The following ZNF93 variants were observed in gnomAD, a reference collection of about 807,000 sequenced individuals.
ZNF93 encodes zinc finger protein 93.
A neutral mutation model predicts 45.0 loss-of-function variants in ZNF93; 29 were observed. The observed-to-expected ratio is 0.64, with a 90% CI of 0.48 to 0.88. The LOEUF is 0.88. Ranked by LOEUF, ZNF93 falls within the 40% of genes least tolerant of loss-of-function variation. The pLI, the probability that ZNF93 is intolerant of heterozygous loss-of-function variation, is 0.00. For synonymous variants in ZNF93, 223 were observed against 244.6 expected, an observed-to-expected ratio of 0.91 and a Z score of 0.82; for missense variants, 578 against 724.0, an observed-to-expected ratio of 0.80 and a Z score of 2.31.
chr19:19,916,131 A>G (rs2063322885), intron 2 of ZNF93, among the ~76,000 whole-genome samples: 1 of 146,342 alleles, frequency 6.8e-6, no homozygotes. Context: ...CAGTGGAATG[A>G]TCTTGGCTTA....
At chr19:19,917,435 GT>G (rs1311179002) in intron 3 of ZNF93, among the ~76,000 whole-genome samples, 4 of 150,558 alleles carry the variant, frequency 2.7e-5, no homozygotes, top group South Asian at 2.1e-4. Context: ...TTTCCCAGTA[GT>G]TTTTTTTAAT....
intron 3 of ZNF93, among the ~76,000 whole-genome samples, chr19:19,928,172 TTGA>T (rs1175457393): frequency 6.6e-6 from 1 of 152,240 alleles, no homozygotes; most frequent in Non-Finnish European, 1.5e-5. Flanking sequence ...TTTATCAGTG[TTGA>T]TAATCAGTTC....
At chr19:19,917,937 CTTCT>C (rs1001662164) in intron 3 of ZNF93, among the ~76,000 whole-genome samples, 13 of 103,662 alleles carry the variant, frequency 1.3e-4, no homozygotes, top group South Asian at 5.1e-4. Flanking sequence ...TCCTTCCTTC[CTTCT>C]TTCTTTTTTT....
rs774918277 is a variant in ZNF93, at chr19:19,934,274, T to A, written c.1319T>A (p.Leu440His). Residue 440 changes from leucine (L) to histidine (H), a missense_variant, in exon 4 of 4, where the codon CTT becomes CAT. Leu to His is a moderately conservative substitution (Grantham distance 99, BLOSUM62 -3). Transcript: ENST00000343769. ...AAAGCCTTTGTTGCATCCTCAACCC[T>A]TAGTAAACATGAGATCATTCATACT... ...CGKAFVASST[L>H]SKHEIIHTGK... 1.9e-6 allele frequency: 3 copies of A among 1,612,890 alleles called. No individual in the cohort carries two copies. The highest frequency in any genetic ancestry group is 2.5e-6 in the Non-Finnish European group (3 of 1,179,958).
intron 3 of ZNF93, chr19:19,927,291 G>T (rs1237765074): frequency 5.0e-6 from 2 of 397,954 alleles, no homozygotes; most frequent in Non-Finnish European, 8.9e-6. Context: ...AGCTACTTGG[G>T]AGATTGAAGG....
At chr19:19,906,156 A>G (rs564944626) in intron 1 of ZNF93, among the ~76,000 whole-genome samples, 1 of 150,278 alleles carries the variant, frequency 6.7e-6, no homozygotes, top group South Asian at 2.1e-4. Context: ...AGCGGAGTAT[A>G]AGCATCTCCT....
chr19:19,913,816 A>G (rs547232152), intron 1 of ZNF93, among the ~76,000 whole-genome samples: 11 of 152,190 alleles, frequency 7.2e-5, no homozygotes, highest in African/African-American at 2.2e-4. Flanking sequence ...CCAGGGAAGG[A>G]GGAGAAAGAA....
At chr19:19,915,170 T>G (rs536759271) in intron 1 of ZNF93, 110 bp from the exon 2 acceptor site, 8 of 1,567,720 alleles carry the variant, frequency 5.1e-6, no homozygotes, top group Non-Finnish European at 6.9e-6. Context: ...ATAATTTTAG[T>G]CAGTCCTATA....
At chr19:19,923,721 A>G (rs1455827865) in intron 3 of ZNF93, among the ~76,000 whole-genome samples, 2 of 152,216 alleles carry the variant, frequency 1.3e-5, no homozygotes, top group African/African-American at 4.8e-5. Context: ...TGAGCCAGGC[A>G]TGGGATATAA....
intron 1 of ZNF93, among the ~76,000 whole-genome samples, chr19:19,903,071 A>G (rs969136346): frequency 1.3e-5 from 2 of 152,132 alleles, no homozygotes; most frequent in African/African-American, 4.8e-5. Context: ...TGAAGTTGTT[A>G]TTGTTTTGAG....
chr19:19,930,772 A>G (rs1263672138), intron 3 of ZNF93, among the ~76,000 whole-genome samples: 1 of 152,196 alleles, frequency 6.6e-6, no homozygotes, highest in Non-Finnish European at 1.5e-5. Flanking sequence ...CTACCAACTA[A>G]TGATTAATGA....
chr19:19,905,970 T>C (rs2063291821), intron 1 of ZNF93, among the ~76,000 whole-genome samples: 1 of 152,220 alleles, frequency 6.6e-6, no homozygotes, highest in Non-Finnish European at 1.5e-5. Flanking sequence ...TGAGTAGTGC[T>C]GCAATGAACA....
At chr19:19,904,961 G>C (rs2063288411) in intron 1 of ZNF93, among the ~76,000 whole-genome samples, 1 of 151,288 alleles carries the variant, frequency 6.6e-6, no homozygotes, top group Non-Finnish European at 1.5e-5. Flanking sequence ...TGGCATTTTT[G>C]ATCTGTGTTT....
intron 2 of ZNF93, among the ~76,000 whole-genome samples, chr19:19,916,142 C>T (rs2063322916): frequency 6.7e-6 from 1 of 149,354 alleles, no homozygotes; most frequent in Non-Finnish European, 1.5e-5. Context: ...TCTTGGCTTA[C>T]TGCAACCTCC....
In ZNF93 at chr19:19,934,871, A is replaced by G; in HGVS notation, c.*53A>G. 1 of 1,533,152 alleles carries G rather than the reference A, an allele frequency of 6.5e-7. No individual in the cohort carries two copies. The highest frequency in any genetic ancestry group is 8.8e-7 in the Non-Finnish European group (1 of 1,136,474). The allele number at this position is 1,533,152 out of a possible 1,614,324, so 95.0% of individuals were successfully genotyped here. ...AAGTGGTCCTCACACCTTACTATACACTGAGAGTTCTGAACTTACTCTGTA... is the reference window on the plus strand; with the variant it reads ...AAGTGGTCCTCACACCTTACTATACGCTGAGAGTTCTGAACTTACTCTGTA... On this transcript the variant is annotated 3_prime_UTR_variant, in exon 4 of 4. Coordinates refer to ENST00000343769, the MANE Select transcript of ZNF93 (RefSeq NM_031218.4).
chr19:19,934,902 C>T lies in ZNF93; in HGVS notation c.*84C>T. On this transcript the variant is annotated 3_prime_UTR_variant, in exon 4 of 4. Coordinates refer to ENST00000343769, the MANE Select transcript of ZNF93 (RefSeq NM_031218.4). ...AGTTCTGAACTTACTCTGTAACCAT[C>T]CCAAACTCCTCCCAGGCACAGTCTG... 1 of 1,419,816 alleles carries T rather than the reference C, an allele frequency of 7.0e-7. No individual in the cohort carries two copies. The highest frequency in any genetic ancestry group is 9.5e-7 in the Non-Finnish European group (1 of 1,053,174). 88.0% of individuals were successfully genotyped at this position (1,419,816 alleles called of 1,614,324 possible). A position where few individuals can be genotyped will look rare whatever the true frequency, so the allele number is the denominator to read the frequency against.
intron 3 of ZNF93, among the ~76,000 whole-genome samples, chr19:19,921,721 C>T (rs1267344067): frequency 1.3e-5 from 2 of 151,784 alleles, no homozygotes; most frequent in Non-Finnish European, 2.9e-5. Context: ...CTCTTTTGAT[C>T]TTTGTTGGTT....
At chr19:19,916,899 CAG>C (rs2063325932) in intron 3 of ZNF93, among the ~76,000 whole-genome samples, 1 of 152,238 alleles carries the variant, frequency 6.6e-6, no homozygotes, top group African/African-American at 2.4e-5. Context: ...TTCAAGTTCT[CAG>C]TGAGAGCCAC....
At chr19:19,910,517 T>A (rs2063304810) in intron 1 of ZNF93, among the ~76,000 whole-genome samples, 1 of 152,196 alleles carries the variant, frequency 6.6e-6, no homozygotes, top group Non-Finnish European at 1.5e-5. Context: ...CCCTGTCTTG[T>A]TGTCTTTACA....
Sources: gnomAD v4.1 joint callset for allele counts (sites outside exome capture counted in the v4.1 genomes callset) on GRCh38, gnomAD v4.1.1 for gene constraint, MANE v1.5 for transcripts, NCBI Gene and HGNC (gene_info 2026-07-23, HGNC 2026-07-21) for gene names.